Variants in ARMCX4 observed in about 807,000 individuals in gnomAD.
The protein encoded by ARMCX4 is armadillo repeat-containing X-linked protein 4.
ARMCX4 carries 3 observed loss-of-function variants against 34.7 expected under a neutral mutation model. That is an observed-to-expected ratio of 0.09 (90% CI 0.04 to 0.22). The LOEUF (loss-of-function observed/expected upper bound fraction) is 0.22, where lower values mean the gene tolerates loss of function less well. Among genes scored for constraint, ARMCX4 ranks in the 10% least tolerant of loss-of-function variants. ARMCX4 has a pLI of 1.00. For missense variants in ARMCX4, 1,448 were observed against 1,720.8 expected (o/e 0.84, Z 2.81); for synonymous variants, 513 against 632.8 (o/e 0.81, Z 2.84).
chrX:101,457,080 T>TA (rs1438125448), intron 4 of ARMCX4, among the ~76,000 whole-genome samples: 1 of 111,684 alleles, frequency 9.0e-6, no homozygotes, highest in Non-Finnish European at 1.9e-5. Flanking sequence ...AGCTTTATTT[T>TA]AAAATTATTT....
In ARMCX4 at chrX:101,494,397, T is replaced by G. The variant is rs1934127989; in HGVS notation, c.5808T>G (p.Asp1936Glu). Residue 1936 changes from aspartate (D) to glutamate (E), a missense_variant, in exon 6 of 6, where the codon GAT (aspartate) becomes GAG (glutamate). By Grantham distance (45) the Asp-to-Glu change is conservative. Around this residue, in one of 2 missense-constraint regions of ARMCX4, gnomAD observed 1,343 missense variants for 1,540.7 expected, o/e 0.87. Coordinates refer to ENST00000423738, the MANE Select transcript of ARMCX4 (RefSeq NM_001256155.3). ...SGAGDNTSIK[D>E]KFEAAGGVDI... ...CTGGGGATAACACCAGCATCAAGGA[T>G]AAGTTTGAGGCTGCTGGTGGAGTTG... 8.7e-7 allele frequency: 1 copy of G among 1,155,536 alleles called. No individual in the cohort carries two copies. Among genetic ancestry groups the G allele is most frequent in the Non-Finnish European group, 1.1e-6 (1 of 872,764 alleles).
intron 2 of ARMCX4, among the ~76,000 whole-genome samples, chrX:101,442,057 C>T (rs1352938665): frequency 8.9e-6 from 1 of 112,208 alleles, no homozygotes; most frequent in Non-Finnish European, 1.9e-5. Flanking sequence ...TTTCATCCAA[C>T]CCTAAAAGAG....
At chrX:101,438,423 G>A (rs782141654) in intron 2 of ARMCX4, among the ~76,000 whole-genome samples, 1 of 111,198 alleles carries the variant, frequency 9.0e-6, no homozygotes, top group South Asian at 3.8e-4. Context: ...TAATTAGCCA[G>A]GTATGGTGGT....
intron 2 of ARMCX4, among the ~76,000 whole-genome samples, chrX:101,440,097 T>C (rs1407061935): frequency 1.8e-5 from 2 of 111,454 alleles, no homozygotes; most frequent in Non-Finnish European, 3.8e-5. Flanking sequence ...TTTTTCCCCA[T>C]CTTTGTGGTT....
At chrX:101,424,286 C>T (rs781843370) in intron 2 of ARMCX4, among the ~76,000 whole-genome samples, 1 of 111,696 alleles carries the variant, frequency 9.0e-6, no homozygotes, top group East Asian at 2.8e-4. Context: ...TTATCCTGTA[C>T]CTTGTCCTAT....
chrX:101,454,803 G>A (rs1156811456), intron 4 of ARMCX4, among the ~76,000 whole-genome samples: 3 of 111,276 alleles, frequency 2.7e-5, no homozygotes, highest in Non-Finnish European at 5.7e-5. Flanking sequence ...TATTCCTCAC[G>A]TTTCTGGAGT....
intron 2 of ARMCX4, among the ~76,000 whole-genome samples, chrX:101,419,846 C>A (rs148467166): frequency 0.018 from 1,976 of 111,704 alleles, 16 homozygotes; most frequent in Non-Finnish European, 0.029. Context: ...GACTCCCTCA[C>A]TCTGCTGCTT....
At chrX:101,428,652 G>C (rs1278950868) in intron 2 of ARMCX4, among the ~76,000 whole-genome samples, 1 of 111,175 alleles carries the variant, frequency 9.0e-6, no homozygotes, top group Admixed American at 9.7e-5. Flanking sequence ...CCATTTGAGA[G>C]AGAGTTGATG....
chrX:101,512,817 CAT>C (rs1216032984), intron 11 of ARMCX4, among the ~76,000 whole-genome samples: 11 of 84,055 alleles, frequency 1.3e-4, no homozygotes, highest in African/African-American at 6.1e-4. Flanking sequence ...CATATATACA[CAT>C]ATATATACAC....
chrX:101,452,215 G>T (rs1424089586), downstream of ARMCX4, among the ~76,000 whole-genome samples: 1 of 112,131 alleles, frequency 8.9e-6, no homozygotes, highest in African/African-American at 3.2e-5. Flanking sequence ...GAAGGGGGAA[G>T]TCTAGTCTCT....
chrX:101,443,805 C>T, intron 2 of ARMCX4: 1 of 338,574 alleles, frequency 3.0e-6, no homozygotes, highest in Non-Finnish European at 5.6e-6. Flanking sequence ...ACATGGTTGC[C>T]ATCCAACCAC....
At chrX:101,501,720 G>A (rs781956139) in intron 7 of ARMCX4, among the ~76,000 whole-genome samples, 22 of 112,483 alleles carry the variant, frequency 2.0e-4, no homozygotes, top group Non-Finnish European at 3.4e-4. Context: ...AACCATATAA[G>A]GCAACTTCTA....
chrX:101,490,586 G>A lies in ARMCX4; in HGVS notation c.1997G>A (p.Gly666Asp). 2 of 1,155,380 alleles carry A rather than the reference G, an allele frequency of 1.7e-6. No homozygotes were observed. Among genetic ancestry groups the A allele is most frequent in the Non-Finnish European group, 2.3e-6 (2 of 872,670 alleles). ...LKAEVGEGAM[G>D]TAQLQIMASS... is the part of the protein sequence containing the mutation. ...GCAGAAGTTGGGGAAGGTGCAATGG[G>A]CACTGCCCAGCTTCAGATTATGGCC... is the stretch of plus-strand genomic sequence containing the variant. Residue 666 changes from glycine (G) to aspartate (D), a missense_variant, in exon 6 of 6, where the codon GGC (glycine) becomes GAC (aspartate). By Grantham distance (94) the Gly-to-Asp change is moderately conservative. This residue lies in a region of ARMCX4 where 1,343 missense variants were observed against 1,540.7 expected (regional missense o/e 0.87). Coordinates refer to ENST00000423738, the MANE Select transcript of ARMCX4 (RefSeq NM_001256155.3).
At chrX:101,466,718 A>T (rs1932798382) in intron 4 of ARMCX4, among the ~76,000 whole-genome samples, 1 of 111,822 alleles carries the variant, frequency 8.9e-6, no homozygotes, top group African/African-American at 3.3e-5. Context: ...GAGGCTGAAG[A>T]GAGAGGGTTG....
downstream of ARMCX4, among the ~76,000 whole-genome samples, chrX:101,496,848 C>T (rs1177213721): frequency 9.0e-6 from 1 of 111,422 alleles, no homozygotes; most frequent in Non-Finnish European, 1.9e-5. Flanking sequence ...ATCCTTTGAC[C>T]CTGTAATTCC....
At chrX:101,508,154 C>G (rs1298367033) in intron 8 of ARMCX4, among the ~76,000 whole-genome samples, 2 of 112,050 alleles carry the variant, frequency 1.8e-5, no homozygotes, top group African/African-American at 6.5e-5. Flanking sequence ...TGTAAATATA[C>G]TCTGTAATGT....
chrX:101,483,924 G>C (rs1933580411), upstream of ARMCX4, among the ~76,000 whole-genome samples: 1 of 111,359 alleles, frequency 9.0e-6, no homozygotes, highest in Non-Finnish European at 1.9e-5. Context: ...TTCTAAGAAA[G>C]AGGCTGCCTG....
At chrX:101,454,013 G>A (rs782447763) in intron 4 of ARMCX4, among the ~76,000 whole-genome samples, 15 of 110,376 alleles carry the variant, frequency 1.4e-4, no homozygotes, top group Non-Finnish European at 2.3e-4. Flanking sequence ...ATATAGCGTC[G>A]TTACCCTCAA....
chrX:101,515,344 T>TTTCC (rs1417686770), intron 11 of ARMCX4, among the ~76,000 whole-genome samples: 4 of 3,633 alleles, frequency 1.1e-3, no homozygotes, highest in African/African-American at 9.2e-3. Context: ...TTCCTTTCCT[T>TTTCC]TTCTTTCTTT....
Sources: allele counts gnomAD v4.1 joint callset (sites outside exome capture counted in the v4.1 genomes callset), GRCh38; gene constraint gnomAD v4.1.1; regional missense constraint gnomAD v4.1.1; transcripts MANE v1.5; gene names NCBI Gene and HGNC (gene_info 2026-07-23, HGNC 2026-07-21).